SDK1: variants seen among roughly 807,000 people sequenced by gnomAD.
The protein encoded by SDK1 is sidekick cell adhesion molecule 1, also known as protein sidekick-1.
A neutral mutation model predicts 245.5 loss-of-function variants in SDK1; 157 were observed. That is an observed-to-expected ratio of 0.64 (90% CI 0.56 to 0.73). The LOEUF (loss-of-function observed/expected upper bound fraction) is 0.73. SDK1 is among the 30% of genes least tolerant of loss of function. The pLI is 0.00. For missense variants in SDK1, 3,583 were observed against 3,002.3 expected (o/e 1.19, Z -4.52); for synonymous variants, 1,647 against 1,278.5 (o/e 1.29, Z -6.15).
intron 1 of SDK1, among the ~76,000 whole-genome samples, chr7:3,364,995 C>T (rs1010362160): frequency 1.8e-4 from 27 of 152,284 alleles, no homozygotes; most frequent in Non-Finnish European, 7.4e-5. Flanking sequence ...GGTAGCTTTA[C>T]ACTTAAGAAC....
chr7:3,491,439 G>C (rs1452065982), intron 1 of SDK1, among the ~76,000 whole-genome samples: 2 of 152,248 alleles, frequency 1.3e-5, no homozygotes, highest in African/African-American at 4.8e-5. Flanking sequence ...GCTGTAAACA[G>C]TGCAGTTGCT....
At chr7:3,990,304 G>A (rs1045604536) in intron 14 of SDK1, among the ~76,000 whole-genome samples, 9 of 152,168 alleles carry the variant, frequency 5.9e-5, no homozygotes, top group South Asian at 2.1e-4. Context: ...CTCTGAGGCC[G>A]GAGTCCAGGC....
At chr7:3,850,779 G>T (rs571393488) in intron 5 of SDK1, among the ~76,000 whole-genome samples, 1 of 147,530 alleles carries the variant, frequency 6.8e-6, no homozygotes, top group Admixed American at 6.9e-5. Flanking sequence ...AACACCGCAT[G>T]TTCTCACTCA....
chr7:4,014,262 G>A (rs1462980107), intron 16 of SDK1, among the ~76,000 whole-genome samples: 2 of 152,158 alleles, frequency 1.3e-5, no homozygotes, highest in Admixed American at 1.3e-4. Flanking sequence ...AGGCCACTTC[G>A]GGGACTGCAC....
chr7:4,125,343 A>AGATGGATG (rs140627879), intron 25 of SDK1, among the ~76,000 whole-genome samples: 53 of 131,450 alleles, frequency 4.0e-4, no homozygotes, highest in African/African-American at 1.1e-3. Flanking sequence ...ATGAATGAAT[A>AGATGGATG]GATGGATGGA....
intron 1 of SDK1, among the ~76,000 whole-genome samples, chr7:3,418,134 C>G (rs572148163): frequency 1.7e-4 from 13 of 78,500 alleles, no homozygotes; most frequent in African/African-American, 1.2e-3. Context: ...AACCCGATCT[C>G]TACTAAAAAT....
chr7:3,793,730 A>C (rs959590048), intron 4 of SDK1, among the ~76,000 whole-genome samples: 4 of 152,264 alleles, frequency 2.6e-5, no homozygotes, highest in Middle Eastern at 3.4e-3. Flanking sequence ...TGCAGTGTCC[A>C]CATTCACAGT....
At chr7:3,881,294 C>T (rs372303967) in intron 5 of SDK1, among the ~76,000 whole-genome samples, 9 of 152,056 alleles carry the variant, frequency 5.9e-5, no homozygotes, top group Non-Finnish European at 1.2e-4. Context: ...GTTGTTCCCC[C>T]GCCATGTGTC....
chr7:3,627,160 C>G (rs1012810388), intron 2 of SDK1, among the ~76,000 whole-genome samples: 1 of 152,112 alleles, frequency 6.6e-6, no homozygotes, highest in Non-Finnish European at 1.5e-5. Flanking sequence ...AACTCCTGGG[C>G]TCAAATGATT....
intron 1 of SDK1, among the ~76,000 whole-genome samples, chr7:3,548,799 T>A (rs990432974): frequency 2.0e-5 from 3 of 152,262 alleles, no homozygotes; most frequent in African/African-American, 7.2e-5. Flanking sequence ...CTAATTAACC[T>A]AGGGCTTCCT....
chr7:4,091,269 G>GGGCATTCT, intron 22 of SDK1, among the ~76,000 whole-genome samples: 1 of 151,546 alleles, frequency 6.6e-6, no homozygotes. Context: ...ATCCTTACTG[G>GGGCATTCT]GGCATTCTGT....
At chr7:4,154,965 G>C (rs973012374) in intron 30 of SDK1, among the ~76,000 whole-genome samples, 3 of 151,990 alleles carry the variant, frequency 2.0e-5, no homozygotes, top group African/African-American at 7.2e-5. Context: ...CAACGGGGGT[G>C]GGGGGCTTGA....
intron 42 of SDK1, among the ~76,000 whole-genome samples, chr7:4,241,174 C>T (rs1393377054): frequency 6.6e-6 from 1 of 152,142 alleles, no homozygotes; most frequent in Non-Finnish European, 1.5e-5. Context: ...GCAGTCATGA[C>T]CACAGTCAGT....
intron 1 of SDK1, among the ~76,000 whole-genome samples, chr7:3,343,802 T>G (rs976138603): frequency 1.1e-4 from 17 of 152,090 alleles, no homozygotes; most frequent in African/African-American, 3.9e-4. Context: ...CAAGTAACTC[T>G]TCAATTGTTA....
chr7:3,666,549 G>T (rs1220127817), intron 4 of SDK1, among the ~76,000 whole-genome samples: 1 of 152,120 alleles, frequency 6.6e-6, no homozygotes, highest in Non-Finnish European at 1.5e-5. Flanking sequence ...CCTGTTGCAG[G>T]TCTTGTCTGC....
At chr7:3,888,807 C>T (rs1032323403) in intron 5 of SDK1, among the ~76,000 whole-genome samples, 4 of 152,138 alleles carry the variant, frequency 2.6e-5, no homozygotes, top group South Asian at 4.1e-4. Context: ...GTGCAGATTT[C>T]GCAAGGTTTT....
At chr7:3,968,013 C>T (rs1034635726) in intron 10 of SDK1, among the ~76,000 whole-genome samples, 1 of 152,264 alleles carries the variant, frequency 6.6e-6, no homozygotes, top group African/African-American at 2.4e-5. Context: ...TCACTCTTCT[C>T]TATCCACGCC....
rs547580812 is a variant in SDK1 at position 3,365,422 on chromosome 7, G to C, written c.298+63538G>C. On this transcript the variant is annotated intron_variant, in intron 1 of 44. Coordinates refer to ENST00000404826, the MANE Select transcript of SDK1 (RefSeq NM_152744.4). ...TACTTCAGAACTCTTTCAGTGGTCGGAACTAAGAAATAAAAATAATTGAGT... is the reference window on the plus strand; with the variant it reads ...TACTTCAGAACTCTTTCAGTGGTCGCAACTAAGAAATAAAAATAATTGAGT... Among the ~76,000 whole-genome samples the C allele has an allele frequency of 6.5e-4, 99 of 152,162 alleles. 2 individuals are homozygous for C. The highest frequency in any genetic ancestry group is 2.2e-3 in the African/African-American group (91 of 41,504).
chr7:3,351,040 ATCTT>A (rs1780647185), intron 1 of SDK1, among the ~76,000 whole-genome samples: 1 of 152,190 alleles, frequency 6.6e-6, no homozygotes, highest in African/African-American at 2.4e-5. Flanking sequence ...GTGATAATAT[ATCTT>A]AGTTTCACTG....
Sources: gnomAD v4.1 joint callset for allele counts (sites outside exome capture counted in the v4.1 genomes callset) on GRCh38, gnomAD v4.1.1 for gene constraint, MANE v1.5 for transcripts, NCBI Gene and HGNC (gene_info 2026-07-23, HGNC 2026-07-21) for gene names.